DCHS1: variants seen among roughly 807,000 people sequenced by gnomAD.
DCHS1 encodes protocadherin-16.
Under a neutral mutation model 213.9 loss-of-function variants are expected in DCHS1, and 78 were observed. The observed-to-expected ratio is 0.36, with a 90% CI of 0.30 to 0.44. The LOEUF is 0.44. DCHS1 is among the 20% of genes least tolerant of loss of function. The pLI is 1.00. For missense variants in DCHS1, 3,946 were observed against 4,395.9 expected (o/e 0.90, Z 2.89); for synonymous variants, 1,828 against 1,873.7 (o/e 0.98, Z 0.63).
Position 6,630,059 on chromosome 11 carries a change from G to A in DCHS1, c.4735C>T (p.Arg1579Cys), listed in dbSNP as rs1855874614. 1.3e-6 allele frequency: 2 copies of A among 1,566,398 alleles called. No individual in the cohort carries two copies. The highest frequency in any genetic ancestry group is 8.7e-7 in the Non-Finnish European group (1 of 1,153,404). ...ARDPDLGEAARVSYRLASGGD... is the reference protein window; with the variant it reads ...ARDPDLGEAACVSYRLASGGD... ...CCAGATGCCAGCCGATAGGACACGC[G>A]TGCAGCCTCGCCCAGATCCGGGTCC... The change falls in exon 10 of 21, where the codon CGC becomes TGC. Residue 1579 changes from arginine to cysteine, a missense_variant. Around this residue, in one of 3 missense-constraint regions of DCHS1, gnomAD observed 3,384 missense variants for 3,780.1 expected, o/e 0.90. Coordinates refer to ENST00000299441, the MANE Select transcript of DCHS1 (RefSeq NM_003737.4).
rs755000506 is a variant in DCHS1, at chr11:6,627,366, G to T, written c.5673C>A (p.Thr1891=). 2 of 1,607,666 alleles carry T rather than the reference G, an allele frequency of 1.2e-6. No homozygotes were observed. The highest frequency in any genetic ancestry group is 1.7e-6 in the Non-Finnish European group (2 of 1,177,180). The part of the protein sequence containing the change: ...DPDAGANGHV[T]YYLGAGTAGA... ...CTGCTGTACCGGCGCCCAGGTAGTA[G>T]GTCACATGGCCATTAGCTCCAGCAT... The change falls in exon 14 of 21, where the codon ACC becomes ACA. Residue 1891 remains threonine, a synonymous_variant. Coordinates refer to ENST00000299441, the MANE Select transcript of DCHS1 (RefSeq NM_003737.4). This position sits in a 1 kb window ranked among gnomAD's most constrained non-coding sequence, Gnocchi z 5.4.
Position 6,625,840 on chromosome 11 carries a change from G to A in DCHS1, c.6731+80C>T. ...GCTGGGGAATTCAGGATGTGGCCAA[G>A]GGACCAGATGAGTTCAAGGCAGGGC... On this transcript the variant is annotated intron_variant, in intron 17 of 20. Coordinates refer to ENST00000299441, the MANE Select transcript of DCHS1 (RefSeq NM_003737.4). This position sits in a 1 kb window ranked among gnomAD's most constrained non-coding sequence, Gnocchi z 5.3. 6.3e-7 allele frequency: 1 copy of A among 1,582,906 alleles called. No homozygotes were observed. Among genetic ancestry groups the A allele is most frequent in the South Asian group, 1.1e-5 (1 of 87,030 alleles).
intron 1 of DCHS1, among the ~76,000 whole-genome samples, 174 bp downstream of exon 1, chr11:6,655,389 T>C (rs1856300017): frequency 6.9e-6 from 1 of 144,916 alleles, no homozygotes; most frequent in Admixed American, 6.8e-5. Flanking sequence ...CCCCAGGCCC[T>C]GCCCCCACGC....
intron 1 of DCHS1, among the ~76,000 whole-genome samples, chr11:6,655,124 C>T (rs995719879): frequency 6.6e-6 from 1 of 152,176 alleles, no homozygotes; most frequent in Non-Finnish European, 1.5e-5. Context: ...GACACATGGG[C>T]TCCCACAGAG....
intron 2 of DCHS1, among the ~76,000 whole-genome samples, chr11:6,635,432 A>G (rs1248137396): frequency 1.3e-5 from 2 of 152,162 alleles, no homozygotes; most frequent in East Asian, 3.9e-4. Flanking sequence ...GCCTGTGACA[A>G]AGCGCTCTTT....
Position 6,621,713 on chromosome 11 carries a change from C to T in DCHS1, c.*66G>A, listed in dbSNP as rs1171291150. The T allele has an allele frequency of 9.8e-6, 15 of 1,530,308 alleles. No individual in the cohort carries two copies. Among genetic ancestry groups the T allele is most frequent in the Non-Finnish European group, 1.3e-5 (15 of 1,139,216 alleles). 94.8% of individuals were successfully genotyped at this position (1,530,308 alleles called of 1,614,324 possible). A position where few individuals can be genotyped will look rare whatever the true frequency, so the allele number is the denominator to read the frequency against. On this transcript the variant is annotated 3_prime_UTR_variant, in exon 21 of 21. Transcript: ENST00000299441. ...ATAGTCCGAGGCTGCCCAGGGCAGG[C>T]TCAGAGTGGGGCCTGCGTTGGGGAC...
chr11:6,641,858 C>T lies in DCHS1; in HGVS notation c.-120-125G>A. 1 of 822,226 alleles carries T rather than the reference C, an allele frequency of 1.2e-6. No homozygotes were observed. The highest frequency in any genetic ancestry group is 1.8e-6 in the Non-Finnish European group (1 of 556,826). The allele number at this position is 822,226 out of a possible 1,614,324, so 50.9% of individuals were successfully genotyped here. A position where few individuals can be genotyped will look rare whatever the true frequency, so the allele number is the denominator to read the frequency against. On this transcript the variant is annotated intron_variant, in intron 1 of 20. Transcript: ENST00000299441. The surrounding 1 kb of genome is among the most constrained non-coding windows in gnomAD (Gnocchi z 7.1). Reference sequence around the variant, plus strand: ...CAGCAGGCCCTTGTGCTGCCTCACACTCATCTTGGGCCACACGGATCTCTG... The same window carrying T: ...CAGCAGGCCCTTGTGCTGCCTCACATTCATCTTGGGCCACACGGATCTCTG...
Position 6,641,553 on chromosome 11 carries a change from G to T in DCHS1, c.61C>A (p.Leu21Ile). Residue 21 changes from leucine (L) to isoleucine (I), a missense_variant, in exon 2 of 21, where the codon CTC becomes ATC. This residue lies in a region of DCHS1 where 3,384 missense variants were observed against 3,780.1 expected (regional missense o/e 0.90). Coordinates refer to ENST00000299441, the MANE Select transcript of DCHS1 (RefSeq NM_003737.4). The surrounding 1 kb of genome is among the most constrained non-coding windows in gnomAD (Gnocchi z 7.1). ...CPGMKSPRPH[L>I]LLPLLLLLLL... Reference sequence around the variant, plus strand: ...AGCAGCAGCAGCAATGGTAGCAGGAGGTGGGGCCTGGGGCTCTTCATGCCA... The same window carrying T: ...AGCAGCAGCAGCAATGGTAGCAGGATGTGGGGCCTGGGGCTCTTCATGCCA... 4.5e-6 allele frequency: 7 copies of T among 1,551,478 alleles called. No individual in the cohort carries two copies. The highest frequency in any genetic ancestry group is 5.2e-6 in the Non-Finnish European group (6 of 1,147,448).
At chr11:6,624,990 C>T (rs1855770131) in intron 19 of DCHS1, 122 bp from the exon 20 acceptor site, 1 of 1,452,772 alleles carries the variant, frequency 6.9e-7, no homozygotes, top group Non-Finnish European at 9.3e-7. Flanking sequence ...GGAGCCCCTA[C>T]TCCTAAGTAT....
At chr11:6,646,201 G>A (rs1373481439) in intron 1 of DCHS1, among the ~76,000 whole-genome samples, 1 of 151,816 alleles carries the variant, frequency 6.6e-6, no homozygotes, top group Admixed American at 6.6e-5. Flanking sequence ...CTGACAAGGC[G>A]AGCATGCACT....
In DCHS1 at chr11:6,629,657, C is replaced by A. The variant is rs768716341; in HGVS notation, c.5035+15G>T. The stretch of plus-strand genomic sequence containing the variant: ...CCAGTCCATCCCACTCATAATTCAC[C>A]CCCCCAGGTCTTACCCACGTCGGGG... On this transcript the variant is annotated intron_variant, in intron 11 of 20. Transcript: ENST00000299441. 20 of 1,612,486 alleles carry A rather than the reference C, an allele frequency of 1.2e-5. No homozygotes were observed. The highest frequency in any genetic ancestry group is 1.7e-5 in the Non-Finnish European group (20 of 1,179,230).
Position 6,632,585 on chromosome 11 carries a change from G to T in DCHS1, c.2927C>A (p.Pro976Gln). 6.6e-7 allele frequency: 1 copy of T among 1,515,230 alleles called. No individual in the cohort carries two copies. Among genetic ancestry groups the T allele is most frequent in the Non-Finnish European group, 8.9e-7 (1 of 1,128,156 alleles). 93.9% of individuals were successfully genotyped at this position (1,515,230 alleles called of 1,614,324 possible). A position where few individuals can be genotyped will look rare whatever the true frequency, so the allele number is the denominator to read the frequency against. ...LELEARDGGS[P>Q]PRTSHFRLRV... ...TAGTCGAAAGTGGCTGGTGCGTGGT[G>T]GGGAGCCCCCATCCCGGGCCTCCAG... Residue 976 changes from proline to glutamine, a missense_variant, in exon 6 of 21, where the codon CCA (proline) becomes CAA (glutamine). This residue lies in a region of DCHS1 where 3,384 missense variants were observed against 3,780.1 expected (regional missense o/e 0.90). Transcript: ENST00000299441. The surrounding 1 kb of genome is among the most constrained non-coding windows in gnomAD (Gnocchi z 5.9).
chr11:6,628,627 T>A lies in DCHS1; in HGVS notation c.5365A>T (p.Ile1789Phe). The change falls in exon 13 of 21, where the codon ATC (isoleucine) becomes TTC (phenylalanine). Residue 1789 changes from isoleucine to phenylalanine, a missense_variant. Coordinates refer to ENST00000299441, the MANE Select transcript of DCHS1 (RefSeq NM_003737.4). The surrounding 1 kb of genome is among the most constrained non-coding windows in gnomAD (Gnocchi z 4.3). ...GGAGTGGGAAGGTTCTCACCTAGGA[T>A]GCGGTACTGCAACTGCCCATTGGCT... is the stretch of plus-strand genomic sequence containing the variant. ...VGANGQLQYRILDGDPSGAFV... is the reference protein window; with the variant it reads ...VGANGQLQYRFLDGDPSGAFV... The A allele has an allele frequency of 2.5e-6, 4 of 1,613,948 alleles. No individual in the cohort carries two copies. The highest frequency in any genetic ancestry group is 3.4e-6 in the Non-Finnish European group (4 of 1,179,872).
In DCHS1 at chr11:6,626,571, GA is replaced by G; in HGVS notation, c.6344del (p.Phe2115SerfsTer18). 1 of 1,614,020 alleles carries G rather than the reference GA, an allele frequency of 6.2e-7. No homozygotes were observed. Among genetic ancestry groups the G allele is most frequent in the Non-Finnish European group, 8.5e-7 (1 of 1,179,896 alleles). On this transcript the variant is annotated frameshift_variant, in exon 15 of 21. Coordinates refer to ENST00000299441, the MANE Select transcript of DCHS1 (RefSeq NM_003737.4). LOFTEE classifies it high-confidence loss of function. This position sits in a 1 kb window ranked among gnomAD's most constrained non-coding sequence, Gnocchi z 5.2. ...TCTTACCTGTACTAGGCTGGATGGA[GA>G]ATGTCCCTTTCTCATTCCCACTGAG... is the stretch of plus-strand genomic sequence containing the variant. ...SILSGNEKGTFSIQPSTGAIT... is the reference protein window; with the variant it reads ...SILSGNEKGTXSIQPSTGAIT...
At position 6,643,430 on chromosome 11, in the gene DCHS1, G is replaced by A. The variant is rs2659864; in HGVS notation, c.-120-1697C>T. On this transcript the variant is annotated intron_variant, in intron 1 of 20. Transcript: ENST00000299441. ...CCATGTTCTATGTTGGCGGCCACCT[G>A]TTTATCTTCCTTTTATCGGGTTATT... Among the ~76,000 whole-genome samples, 214 of 152,020 alleles carry A rather than the reference G, an allele frequency of 1.4e-3. 1 individual carries two copies. The highest frequency in any genetic ancestry group is 4.8e-3 in the African/African-American group (200 of 41,458).
At position 6,640,692 on chromosome 11, in the gene DCHS1, C is replaced by T. The variant is rs763608227; in HGVS notation, c.922G>A (p.Asp308Asn). 9.3e-6 allele frequency: 15 copies of T among 1,613,592 alleles called. No individual in the cohort carries two copies. Among genetic ancestry groups the T allele is most frequent in the South Asian group, 5.5e-5 (5 of 91,078 alleles). Reference protein sequence around the residue: ...QSEGDGPFSIDAHTGLLQLER... With the variant: ...QSEGDGPFSINAHTGLLQLER... ...AACTGCAGCAGCCCCGTGTGTGCGT[C>T]GATGGAGAAGGGTCCATCACCCTCG... Residue 308 changes from aspartate to asparagine, a missense_variant, in exon 2 of 21, where the codon GAC becomes AAC. Around this residue, in one of 3 missense-constraint regions of DCHS1, gnomAD observed 3,384 missense variants for 3,780.1 expected, o/e 0.90. Coordinates refer to ENST00000299441, the MANE Select transcript of DCHS1 (RefSeq NM_003737.4). This position sits in a 1 kb window ranked among gnomAD's most constrained non-coding sequence, Gnocchi z 6.5.
rs1341464163 is a variant in DCHS1, at chr11:6,629,658, C to G, written c.5035+14G>C. 2 of 1,612,830 alleles carry G rather than the reference C, an allele frequency of 1.2e-6. No individual in the cohort carries two copies. The highest frequency in any genetic ancestry group is 8.5e-7 in the Non-Finnish European group (1 of 1,179,346). On this transcript the variant is annotated intron_variant, in intron 11 of 20. Transcript: ENST00000299441. ...CAGTCCATCCCACTCATAATTCACCCCCCCAGGTCTTACCCACGTCGGGGT... is the reference window on the plus strand; with the variant it reads ...CAGTCCATCCCACTCATAATTCACCGCCCCAGGTCTTACCCACGTCGGGGT...
In DCHS1 at chr11:6,623,665, C is replaced by T. The variant is rs765740149; in HGVS notation, c.8011G>A (p.Ala2671Thr). The T allele has an allele frequency of 6.2e-7, 1 of 1,613,824 alleles. No individual in the cohort carries two copies. Among genetic ancestry groups the T allele is most frequent in the Non-Finnish European group, 8.5e-7 (1 of 1,179,886 alleles). Residue 2671 changes from alanine (A) to threonine (T), a missense_variant, in exon 21 of 21, where the codon GCT becomes ACT. Ala to Thr is a moderately conservative substitution (Grantham distance 58). Transcript: ENST00000299441. ...GCCTGTACTACAAGCTGATGTCGAGCCTGGGTCTCACAGTCCAGGGCATGG... is the reference window on the plus strand; with the variant it reads ...GCCTGTACTACAAGCTGATGTCGAGTCTGGGTCTCACAGTCCAGGGCATGG... ...LAHALDCETQ[A>T]RHQLVVQAAD...
rs1205130469 is a variant in DCHS1, at chr11:6,632,963, C to T, written c.2549G>A (p.Arg850His). The change falls in exon 6 of 21, where the codon CGC becomes CAC. Residue 850 changes from arginine (R) to histidine (H), a missense_variant. Physicochemically the swap from Arg to His is conservative, Grantham distance 29. Coordinates refer to ENST00000299441, the MANE Select transcript of DCHS1 (RefSeq NM_003737.4). This position sits in a 1 kb window ranked among gnomAD's most constrained non-coding sequence, Gnocchi z 5.9. ...TCCCAGTAGCTCCCGGTCCAGAGGG[C>T]GAAGTGTTTGCAACAGTCCTGATAC... ...DAVSGLLQTL[R>H]PLDRELLGPV... 17 of 1,613,866 alleles carry T rather than the reference C, an allele frequency of 1.1e-5. No individual in the cohort carries two copies. Among genetic ancestry groups the T allele is most frequent in the Admixed American group, 3.3e-5 (2 of 60,008 alleles).
Sources: allele counts gnomAD v4.1 joint callset (sites outside exome capture counted in the v4.1 genomes callset), GRCh38; gene constraint gnomAD v4.1.1; regional missense constraint gnomAD v4.1.1; non-coding constraint Gnocchi (gnomAD v3.1); transcripts MANE v1.5; gene names NCBI Gene and HGNC (gene_info 2026-07-23, HGNC 2026-07-21).